The following DCP1A variants were observed in gnomAD, a reference collection of about 807,000 sequenced individuals.
DCP1A encodes mRNA-decapping enzyme 1A.
In DCP1A, 20 loss-of-function variants were observed where a neutral mutation model predicts 58.0. The ratio of observed to expected loss-of-function variants is 0.34; its 90% CI spans 0.24 to 0.50. The LOEUF is 0.50. Among genes scored for constraint, DCP1A ranks in the 20% least tolerant of loss-of-function variants. The probability of loss-of-function intolerance (pLI) is 0.98; values close to 1 mark genes in which losing one functional copy is unlikely to be tolerated. For missense variants in DCP1A, 613 were observed against 712.2 expected, an observed-to-expected ratio of 0.86 and a Z score of 1.59; for synonymous variants, 285 against 275.1, an observed-to-expected ratio of 1.04 and a Z score of -0.36.
chr3:53,324,911 G>C (rs574819905), intron 3 of DCP1A, among the ~76,000 whole-genome samples: 1 of 151,802 alleles, frequency 6.6e-6, no homozygotes, highest in South Asian at 2.1e-4. Flanking sequence ...AGGTGTGATA[G>C]GACATTTCAT....
Position 53,288,090 on chromosome 3 carries a change from T to C in DCP1A, c.1643A>G (p.Gln548Arg), listed in dbSNP as rs1393119606. The C allele has an allele frequency of 2.5e-6, 4 of 1,613,880 alleles. No individual in the cohort carries two copies. In the African/African-American group the frequency reaches 5.3e-5, roughly 22 times the overall value. Reference protein sequence around the residue: ...PSIILSKSQLQDTLIHLIKND... With the variant: ...PSIILSKSQLRDTLIHLIKND... ...CTTTATTAGATGTATTAATGTATCCTGGAGCTGAGACTTGCTGAGAATAAT... is the reference window on the plus strand; with the variant it reads ...CTTTATTAGATGTATTAATGTATCCCGGAGCTGAGACTTGCTGAGAATAAT... The change falls in exon 9 of 10, where the codon CAG becomes CGG. Residue 548 changes from glutamine (Q) to arginine (R), a missense_variant. Transcript: ENST00000610213.
At chr3:53,340,208 G>A (rs1405973930) in intron 3 of DCP1A, among the ~76,000 whole-genome samples, 1 of 152,176 alleles carries the variant, frequency 6.6e-6, no homozygotes. Flanking sequence ...TGCAGGTGTT[G>A]AGCCACTTTG....
chr3:53,336,894 G>A lies in DCP1A; in HGVS notation c.304+5250C>T, dbSNP rs1021439689. ...TATTTATTTATTTATTTATTGAGAT[G>A]GAGTCTTGCTCTGTCTCCCAGGCTG... On this transcript the variant is annotated intron_variant, in intron 3 of 9. Transcript: ENST00000610213. Among the ~76,000 whole-genome samples, 9 of 142,004 alleles carry A rather than the reference G, an allele frequency of 6.3e-5. 1 individual carries two copies. The South Asian group carries it at 1.8e-3, about 29-fold the overall frequency. The allele number at this position is 142,004 out of a possible 152,430, so 93.2% of individuals were successfully genotyped here. A position where few individuals can be genotyped will look rare whatever the true frequency, so the allele number is the denominator to read the frequency against.
chr3:53,299,931 G>T (rs782596187), intron 6 of DCP1A, among the ~76,000 whole-genome samples: 2 of 151,972 alleles, frequency 1.3e-5, no homozygotes, highest in African/African-American at 4.8e-5. Flanking sequence ...GTGGTGGCAC[G>T]ATCTTGGCTC....
At chr3:53,307,852 C>G (rs903429281) in intron 5 of DCP1A, among the ~76,000 whole-genome samples, 3 of 152,126 alleles carry the variant, frequency 2.0e-5, no homozygotes, top group Non-Finnish European at 2.9e-5. Context: ...TCGCCAAGTT[C>G]TTAATAGAAT....
intron 3 of DCP1A, among the ~76,000 whole-genome samples, chr3:53,323,811 G>A (rs965681296): frequency 4.8e-5 from 7 of 146,014 alleles, no homozygotes; most frequent in Admixed American, 1.4e-4. Flanking sequence ...GCAGTGAGCC[G>A]AGATCGCACC....
rs75726799 is a variant in DCP1A, at chr3:53,319,230, G to A, written c.371+177C>T. Among the ~76,000 whole-genome samples, 2,056 of 152,248 alleles carry A rather than the reference G, an allele frequency of 0.014. 120 individuals carry two copies. The South Asian group carries it at 0.15, about 11-fold the overall frequency. On this transcript the variant is annotated intron_variant, in intron 4 of 9. Transcript: ENST00000610213. ...GAAACTGAAATGCACACTGGGAGGA[G>A]TTAAGATAATAATTATATATATTTT...
rs1707784967 is a variant in DCP1A, at chr3:53,315,741, GTTGTTTTTTTTTT to G, written c.372-3375_372-3363del. On this transcript the variant is annotated intron_variant, in intron 4 of 9. Coordinates refer to ENST00000610213, the MANE Select transcript of DCP1A (RefSeq NM_018403.7). The stretch of plus-strand genomic sequence containing the variant: ...AACATTGTTTGGAGTAAATCAGTTT[GTTGTTTTTTTTTT>G]TTGTTTTTTTTTTTTTTGAGACGGA... 1.2e-4 allele frequency among the ~76,000 whole-genome samples: 9 copies of G among 75,688 alleles called. 1 individual carries two copies. The highest frequency in any genetic ancestry group is 2.2e-4 in the African/African-American group (5 of 23,000). 49.7% of individuals were successfully genotyped at this position (75,688 alleles called of 152,430 possible).
chr3:53,305,499 G>A (rs555767179), intron 5 of DCP1A, among the ~76,000 whole-genome samples: 1 of 151,942 alleles, frequency 6.6e-6, no homozygotes, highest in East Asian at 1.9e-4. Flanking sequence ...ACAGGCGCGC[G>A]CCACCACACC....
intron 3 of DCP1A, 140 bp from the exon 4 acceptor site, chr3:53,319,613 C>G (rs181081773): frequency 1.9e-4 from 101 of 541,768 alleles, no homozygotes; most frequent in Middle Eastern, 5.1e-4. Flanking sequence ...CTAAAGAAAA[C>G]AAGTATCTCC....
intron 3 of DCP1A, among the ~76,000 whole-genome samples, chr3:53,331,618 G>A (rs1559702730): frequency 6.6e-6 from 1 of 151,562 alleles, no homozygotes; most frequent in African/African-American, 2.4e-5. Context: ...GCCTAATGGC[G>A]CCTTTAGGAC....
At chr3:53,289,003 A>T (rs1706753300) in intron 8 of DCP1A, among the ~76,000 whole-genome samples, 1 of 151,614 alleles carries the variant, frequency 6.6e-6, no homozygotes, top group African/African-American at 2.4e-5. Flanking sequence ...TGACAGAGAA[A>T]GACTCCATCT....
chr3:53,334,433 T>C (rs782702884), intron 3 of DCP1A, among the ~76,000 whole-genome samples: 9 of 152,216 alleles, frequency 5.9e-5, no homozygotes, highest in Non-Finnish European at 1.0e-4. Flanking sequence ...CTTTTTCCCA[T>C]GGTTTCTATT....
intron 1 of DCP1A, among the ~76,000 whole-genome samples, chr3:53,345,948 C>A (rs2089286566): frequency 6.6e-6 from 1 of 152,138 alleles, no homozygotes; most frequent in African/African-American, 2.4e-5. Flanking sequence ...AGATTTTTGT[C>A]ATGCTCTATG....
intron 5 of DCP1A, among the ~76,000 whole-genome samples, chr3:53,308,158 TTC>T (rs1707531696): frequency 6.6e-6 from 1 of 152,206 alleles, no homozygotes; most frequent in South Asian, 2.1e-4. Context: ...TGATATTTTC[TTC>T]TTTTTGTTTA....
At position 53,292,792 on chromosome 3, in the gene DCP1A, T is replaced by A; in HGVS notation, c.660A>T (p.Glu220Asp). The A allele has an allele frequency of 6.2e-7, 1 of 1,611,226 alleles. No individual in the cohort carries two copies. The highest frequency in any genetic ancestry group is 8.5e-7 in the Non-Finnish European group (1 of 1,179,834). Reference sequence around the variant, plus strand: ...TTGGCAAAGAGGTTCCAAATAACTCTTCTACCGTCAGATGCTTGTGTCCAG... The same window carrying A: ...TTGGCAAAGAGGTTCCAAATAACTCATCTACCGTCAGATGCTTGTGTCCAG... The part of the protein sequence containing the change: ...APSGHKHLTV[E>D]ELFGTSLPKE... Residue 220 changes from glutamate to aspartate, a missense_variant, in exon 7 of 10, where the codon GAA becomes GAT. By Grantham distance (45) the Glu-to-Asp change is conservative. Coordinates refer to ENST00000610213, the MANE Select transcript of DCP1A (RefSeq NM_018403.7).
chr3:53,340,098 A>AT (rs2089181220), intron 3 of DCP1A, among the ~76,000 whole-genome samples: 2 of 151,566 alleles, frequency 1.3e-5, no homozygotes, highest in African/African-American at 4.9e-5. Context: ...TAATTTTTCT[A>AT]TTTTTTTGTG....
At chr3:53,318,370 ATTATT>A (rs1411529822) in intron 4 of DCP1A, among the ~76,000 whole-genome samples, 11 of 152,216 alleles carry the variant, frequency 7.2e-5, no homozygotes, top group Non-Finnish European at 1.2e-4. Context: ...AAAATTTAAG[ATTATT>A]TTCTTTTAAA....
chr3:53,322,467 T>TTA (rs200145954), intron 3 of DCP1A, among the ~76,000 whole-genome samples: 2,427 of 148,850 alleles, frequency 0.016, 114 homozygotes, highest in South Asian at 0.15. Context: ...AAAAAAAAAA[T>TTA]TATATATATA....
Sources: allele counts gnomAD v4.1 joint callset (sites outside exome capture counted in the v4.1 genomes callset), GRCh38; gene constraint gnomAD v4.1.1; transcripts MANE v1.5; gene names NCBI Gene and HGNC (gene_info 2026-07-23, HGNC 2026-07-21).